SUGCT: variants seen among roughly 807,000 people sequenced by gnomAD.
The protein encoded by SUGCT is succinyl-CoA:glutarate-CoA transferase, also known as succinyl-CoA:glutarate CoA-transferase.
In SUGCT, 41 loss-of-function variants were observed where a neutral mutation model predicts 55.0. That is an observed-to-expected ratio of 0.74 (90% CI 0.58 to 0.97). The LOEUF (loss-of-function observed/expected upper bound fraction) is 0.97, where lower values mean the gene tolerates loss of function less well. Among genes scored for constraint, SUGCT ranks in the 50% least tolerant of loss-of-function variants. SUGCT has a pLI of 0.00. For missense variants in SUGCT, 568 were observed against 547.8 expected, an observed-to-expected ratio of 1.04 and a Z score of -0.37; for synonymous variants, 187 against 200.4, an observed-to-expected ratio of 0.93 and a Z score of 0.56.
chr7:40,932,900 C>A, the SUGCT span, among the ~76,000 whole-genome samples: 1 of 151,968 alleles, frequency 6.6e-6, no homozygotes, highest in Non-Finnish European at 1.5e-5. Context: ...TGCCAGTCTG[C>A]GTCTTTTAAT....
the SUGCT span, among the ~76,000 whole-genome samples, chr7:40,992,314 G>A: frequency 6.6e-6 from 1 of 152,122 alleles, no homozygotes; most frequent in South Asian, 2.1e-4. Flanking sequence ...GTTATAATTA[G>A]CATATAATGA....
chr7:40,175,079 C>G (rs1237848932), intron 1 of SUGCT, among the ~76,000 whole-genome samples: 2 of 152,150 alleles, frequency 1.3e-5, no homozygotes, highest in Non-Finnish European at 2.9e-5. Flanking sequence ...TCTTTTCCCA[C>G]TTTTCCATTA....
chr7:40,632,830 G>A (rs973799314), intron 12 of SUGCT, among the ~76,000 whole-genome samples: 2 of 152,088 alleles, frequency 1.3e-5, no homozygotes, highest in Non-Finnish European at 2.9e-5. Flanking sequence ...ACTTGAAATT[G>A]AAGTGCATGA....
the SUGCT span, among the ~76,000 whole-genome samples, chr7:40,893,458 A>G: frequency 6.6e-6 from 1 of 152,324 alleles, no homozygotes; most frequent in African/African-American, 2.4e-5. Context: ...AAGTCTTAAC[A>G]AATTCAAGAA....
At chr7:41,001,730 AC>A in the SUGCT span, among the ~76,000 whole-genome samples, 1 of 152,146 alleles carries the variant, frequency 6.6e-6, no homozygotes, top group Non-Finnish European at 1.5e-5. Flanking sequence ...TAAGGGCTCC[AC>A]CCTCATGACA....
chr7:40,635,270 A>G (rs189574557), intron 12 of SUGCT, among the ~76,000 whole-genome samples: 12 of 152,220 alleles, frequency 7.9e-5, no homozygotes, highest in Non-Finnish European at 1.3e-4. Context: ...TGGGTGACAG[A>G]GCAAGACTCT....
At chr7:40,604,818 C>G (rs1232038532) in intron 12 of SUGCT, among the ~76,000 whole-genome samples, 4 of 152,216 alleles carry the variant, frequency 2.6e-5, no homozygotes, top group Non-Finnish European at 5.9e-5. Context: ...CCTATTTGCT[C>G]CCAAACGGGT....
At chr7:40,356,981 T>C (rs1797911995) in intron 9 of SUGCT, among the ~76,000 whole-genome samples, 1 of 152,246 alleles carries the variant, frequency 6.6e-6, no homozygotes, top group Non-Finnish European at 1.5e-5. Context: ...GAAAGATTAA[T>C]ATTTCTAAAC....
chr7:40,428,465 G>A (rs1178219142), intron 9 of SUGCT, among the ~76,000 whole-genome samples: 1 of 151,826 alleles, frequency 6.6e-6, no homozygotes, highest in African/African-American at 2.4e-5. Flanking sequence ...CTGTCTTGTT[G>A]TATTCCTTTG....
At chr7:40,167,265 A>G (rs1365044383) in intron 1 of SUGCT, among the ~76,000 whole-genome samples, 1 of 152,246 alleles carries the variant, frequency 6.6e-6, no homozygotes. Context: ...ACACAAAAAT[A>G]CATACTGTTT....
intron 7 of SUGCT, among the ~76,000 whole-genome samples, chr7:40,252,623 T>C (rs921025505): frequency 1.1e-4 from 17 of 152,158 alleles, no homozygotes; most frequent in Non-Finnish European, 2.5e-4. Flanking sequence ...AGGAATATGG[T>C]ATATAATAGG....
At chr7:40,185,048 C>T (rs1464396590) in intron 3 of SUGCT, among the ~76,000 whole-genome samples, 1 of 152,126 alleles carries the variant, frequency 6.6e-6, no homozygotes, top group Non-Finnish European at 1.5e-5. Context: ...TTTATTATCC[C>T]TGACAGTCTT....
Position 40,815,487 on chromosome 7 carries a change from C to T in SUGCT, c.1154-44829C>T, listed in dbSNP as rs982229077. ...GCTGGGGAAGTTTAGGCCACTGTTCCAGTTGGGTGGGTGATGTGAATGCCT... is the reference window on the plus strand; with the variant it reads ...GCTGGGGAAGTTTAGGCCACTGTTCTAGTTGGGTGGGTGATGTGAATGCCT... On this transcript the variant is annotated intron_variant, in intron 13 of 13. Transcript: ENST00000335693. Among the ~76,000 whole-genome samples the T allele has an allele frequency of 5.9e-5, 9 of 152,098 alleles. 1 individual carries two copies. In the South Asian group the frequency reaches 1.2e-3, roughly 21 times the overall value.
At chr7:41,033,256 ACTT>A in the SUGCT span, among the ~76,000 whole-genome samples, 1 of 152,090 alleles carries the variant, frequency 6.6e-6, no homozygotes, top group African/African-American at 2.4e-5. Context: ...ACAACTGCAA[ACTT>A]CTTTTCCCTT....
At chr7:40,740,713 C>T (rs985215222) in intron 12 of SUGCT, among the ~76,000 whole-genome samples, 1 of 151,682 alleles carries the variant, frequency 6.6e-6, no homozygotes, top group Admixed American at 6.6e-5. Flanking sequence ...AACTTGTGAC[C>T]TTTTATTATG....
At chr7:40,775,599 G>A (rs1036763318) in intron 13 of SUGCT, 7 of 152,200 alleles carry the variant, frequency 4.6e-5, no homozygotes, top group African/African-American at 1.7e-4. Context: ...TAAAGATGTG[G>A]AGCTTTGCTT....
chr7:40,782,092 T>G (rs2128738461), intron 13 of SUGCT, among the ~76,000 whole-genome samples: 1 of 152,218 alleles, frequency 6.6e-6, no homozygotes, highest in East Asian at 1.9e-4. Flanking sequence ...TACTCTAATA[T>G]TTAGAAAAAT....
intron 9 of SUGCT, among the ~76,000 whole-genome samples, chr7:40,333,814 A>G (rs1036631526): frequency 6.0e-5 from 9 of 148,850 alleles, no homozygotes; most frequent in African/African-American, 2.0e-4. Flanking sequence ...CAGGTTTGTT[A>G]CATATGTATA....
intron 9 of SUGCT, among the ~76,000 whole-genome samples, chr7:40,376,590 C>T (rs1365995938): frequency 6.6e-6 from 1 of 151,996 alleles, no homozygotes; most frequent in Non-Finnish European, 1.5e-5. Context: ...TGGGGTTTCA[C>T]CATGTTGGCC....
Sources: allele counts gnomAD v4.1 joint callset (sites outside exome capture counted in the v4.1 genomes callset), GRCh38; gene constraint gnomAD v4.1.1; transcripts MANE v1.5; gene names NCBI Gene and HGNC (gene_info 2026-07-23, HGNC 2026-07-21).